Variants in HHAT observed in about 807,000 individuals in gnomAD.
HHAT encodes hedgehog acyltransferase, also known as protein-cysteine N-palmitoyltransferase HHAT.
Under a neutral mutation model 70.8 loss-of-function variants are expected in HHAT, and 47 were observed. The observed-to-expected ratio is 0.66, with a 90% confidence interval of 0.53 to 0.85. The LOEUF (loss-of-function observed/expected upper bound fraction) is 0.85, where lower values mean the gene tolerates loss of function less well. Ranked by LOEUF, HHAT falls within the 40% of genes least tolerant of loss-of-function variation. The probability of loss-of-function intolerance (pLI) is 0.00; values close to 1 mark genes in which losing one functional copy is unlikely to be tolerated. For synonymous variants in HHAT, 228 were observed against 247.6 expected (o/e 0.92, Z 0.74); for missense variants, 609 against 604.8 (o/e 1.01, Z -0.07).
chr1:210,545,156 G>A (rs1302210647), intron 9 of HHAT, among the ~76,000 whole-genome samples: 2 of 151,350 alleles, frequency 1.3e-5, no homozygotes, highest in African/African-American at 4.8e-5. Flanking sequence ...ATGCTTTGAA[G>A]ATTTTAAGAC....
chr1:210,588,720 A>C (rs972330917), intron 10 of HHAT: 1 of 152,500 alleles, frequency 6.6e-6, no homozygotes, highest in Non-Finnish European at 1.5e-5. Context: ...CATTATGTAT[A>C]TTGCTTATTA....
intron 1 of HHAT, among the ~76,000 whole-genome samples, chr1:210,339,330 A>T (rs895699507): frequency 2.0e-5 from 3 of 152,168 alleles, no homozygotes; most frequent in African/African-American, 4.8e-5. Flanking sequence ...GATTTTATTG[A>T]TTAGTAACTA....
intron 9 of HHAT, among the ~76,000 whole-genome samples, chr1:210,525,369 A>T (rs191765383): frequency 1.2e-4 from 18 of 152,260 alleles, no homozygotes; most frequent in African/African-American, 4.1e-4. Context: ...AGTCATGTCA[A>T]TGTCCGAGAC....
intron 7 of HHAT, among the ~76,000 whole-genome samples, chr1:210,436,754 T>C (rs182939693): frequency 2.0e-5 from 3 of 151,976 alleles, no homozygotes; most frequent in Admixed American, 6.5e-5. Context: ...GTTTCATTTA[T>C]ATTCCTCCTG....
intron 6 of HHAT, among the ~76,000 whole-genome samples, chr1:210,409,058 G>T (rs1009488800): frequency 6.6e-6 from 1 of 152,102 alleles, no homozygotes; most frequent in Admixed American, 6.5e-5. Flanking sequence ...TAGAGATGAG[G>T]TCTTGCTATG....
At chr1:210,642,258 A>G (rs985242075) in intron 11 of HHAT, among the ~76,000 whole-genome samples, 2 of 152,234 alleles carry the variant, frequency 1.3e-5, no homozygotes, top group Non-Finnish European at 2.9e-5. Flanking sequence ...ATTGCTGTAC[A>G]GTATTTCGTT....
At chr1:210,510,983 C>G (rs920103476) in intron 8 of HHAT, among the ~76,000 whole-genome samples, 48 of 151,980 alleles carry the variant, frequency 3.2e-4, no homozygotes, top group Admixed American at 1.0e-3. Context: ...AAGCTGAAAT[C>G]TTTGTTTTAA....
chr1:210,538,437 A>G (rs888650161), intron 9 of HHAT, among the ~76,000 whole-genome samples: 2 of 152,202 alleles, frequency 1.3e-5, no homozygotes, highest in African/African-American at 4.8e-5. Flanking sequence ...CATGTGGCAT[A>G]TATGAAATAA....
intron 8 of HHAT, among the ~76,000 whole-genome samples, chr1:210,509,677 T>G (rs1213492744): frequency 6.6e-6 from 1 of 152,184 alleles, no homozygotes; most frequent in African/African-American, 2.4e-5. Flanking sequence ...CTTTTACTAT[T>G]AACATCCCCC....
At chr1:210,407,084 A>AG (rs1558454512) in intron 6 of HHAT, among the ~76,000 whole-genome samples, 1 of 152,156 alleles carries the variant, frequency 6.6e-6, no homozygotes, top group African/African-American at 2.4e-5. Flanking sequence ...AGGTTTCTGC[A>AG]CTTGCTGAAG....
At chr1:210,431,592 A>G (rs2093245287) in intron 7 of HHAT, among the ~76,000 whole-genome samples, 1 of 152,024 alleles carries the variant, frequency 6.6e-6, no homozygotes, top group Admixed American at 6.5e-5. Flanking sequence ...GTTTTTAAGA[A>G]GGAAGAAATC....
At chr1:210,350,665 TCA>T (rs2086938246) in intron 2 of HHAT, among the ~76,000 whole-genome samples, 1 of 152,252 alleles carries the variant, frequency 6.6e-6, no homozygotes, top group African/African-American at 2.4e-5. Context: ...GTCAGTTCTT[TCA>T]GATTTTCTAC....
chr1:210,640,920 G>A (rs1672860596), intron 11 of HHAT, among the ~76,000 whole-genome samples: 1 of 152,194 alleles, frequency 6.6e-6, no homozygotes, highest in Admixed American at 6.5e-5. Flanking sequence ...AACCCACCTA[G>A]GTAGTAAATG....
chr1:210,384,894 A>G (rs1054329287), intron 3 of HHAT, among the ~76,000 whole-genome samples: 8 of 152,214 alleles, frequency 5.3e-5, no homozygotes, highest in Non-Finnish European at 8.8e-5. Context: ...ATCTTGACCT[A>G]TTCATTGGCC....
intron 9 of HHAT, among the ~76,000 whole-genome samples, chr1:210,582,794 A>T (rs1343389052): frequency 6.6e-6 from 1 of 152,208 alleles, no homozygotes; most frequent in Admixed American, 6.5e-5. Flanking sequence ...GACAGAGGGC[A>T]ACTACTTAGT....
chr1:210,390,220 T>C (rs549273238), intron 4 of HHAT, among the ~76,000 whole-genome samples: 3 of 152,162 alleles, frequency 2.0e-5, no homozygotes, highest in South Asian at 4.2e-4. Context: ...TCAGAGAGGC[T>C]CTTCTTAGCT....
At chr1:210,442,928 T>C (rs1038381990) in intron 7 of HHAT, among the ~76,000 whole-genome samples, 12 of 152,088 alleles carry the variant, frequency 7.9e-5, no homozygotes, top group East Asian at 1.9e-4. Flanking sequence ...TCCTTGCCCA[T>C]GCCTATGTCC....
chr1:210,365,721 T>A (rs2088883097), intron 3 of HHAT, among the ~76,000 whole-genome samples: 1 of 151,462 alleles, frequency 6.6e-6, no homozygotes, highest in South Asian at 2.1e-4. Context: ...GTTCAAACAA[T>A]TCTCTTGCCT....
intron 2 of HHAT, among the ~76,000 whole-genome samples, chr1:210,357,593 G>A (rs892310677): frequency 2.2e-4 from 33 of 152,150 alleles, no homozygotes; most frequent in African/African-American, 7.7e-4. Flanking sequence ...AGGCCGAGGC[G>A]GGTGGATAAT....
Sources: gnomAD v4.1 joint callset for allele counts (sites outside exome capture counted in the v4.1 genomes callset) on GRCh38, gnomAD v4.1.1 for gene constraint, MANE v1.5 for transcripts, NCBI Gene and HGNC (gene_info 2026-07-23, HGNC 2026-07-21) for gene names.